Variants in MMP27 observed in about 807,000 individuals in gnomAD.
The protein encoded by MMP27 is matrix metallopeptidase 27, also known as matrix metalloproteinase-27.
In MMP27, 51 loss-of-function variants were observed where a neutral mutation model predicts 48.1. That is an observed-to-expected ratio of 1.06 (90% CI 0.85 to 1.34). The LOEUF (loss-of-function observed/expected upper bound fraction) is 1.34. MMP27 is among the 40% of genes most tolerant of loss of function. MMP27 has a pLI of 0.00. For synonymous variants in MMP27, 229 were observed against 208.9 expected (o/e 1.10, Z -0.83); for missense variants, 698 against 619.3 (o/e 1.13, Z -1.35).
chr11:102,693,880 A>G (rs1213476890), intron 8 of MMP27, 26 bp downstream of exon 8: 1 of 1,541,462 alleles, frequency 6.5e-7, no homozygotes, highest in East Asian at 2.4e-5. Context: ...ATAATAAAAC[A>G]AAGTGTCAAT....
At chr11:102,700,778 GC>G (rs1860925357) in intron 4 of MMP27, among the ~76,000 whole-genome samples, 1 of 152,234 alleles carries the variant, frequency 6.6e-6, no homozygotes, top group African/African-American at 2.4e-5. Flanking sequence ...TTGGCACCTG[GC>G]TTTGCTTTGA....
At chr11:102,695,193 A>T in intron 6 of MMP27, 96 bp from the exon 7 acceptor site, 1 of 1,329,046 alleles carries the variant, frequency 7.5e-7, no homozygotes, top group African/African-American at 1.4e-5. Flanking sequence ...ATTGGTTGGT[A>T]TCTTCCTCAA....
At position 102,691,555 on chromosome 11, in the gene MMP27, A is replaced by C. The variant is rs1023152601; in HGVS notation, c.*211T>G. 111 of 458,356 alleles carry C rather than the reference A, an allele frequency of 2.4e-4. No individual in the cohort carries two copies. The highest frequency in any genetic ancestry group is 7.0e-4 in the Admixed American group (18 of 25,536). The allele number at this position is 458,356 out of a possible 1,614,324, so 28.4% of individuals were successfully genotyped here. A position where few individuals can be genotyped will look rare whatever the true frequency, so the allele number is the denominator to read the frequency against. On this transcript the variant is annotated 3_prime_UTR_variant, in exon 10 of 10. Transcript: ENST00000260229. ...TATAAGACATGTCTTCTCCAAGTCC[A>C]CAAAGCATGAAATAGGCTTAAAGTA...
intron 4 of MMP27, among the ~76,000 whole-genome samples, chr11:102,698,784 T>C (rs997526184): frequency 2.0e-5 from 3 of 152,188 alleles, no homozygotes; most frequent in African/African-American, 7.2e-5. Flanking sequence ...GGCTTAACTA[T>C]CCTATTTATT....
At chr11:102,692,366 G>A (rs541719687) in intron 9 of MMP27, among the ~76,000 whole-genome samples, 14 of 152,258 alleles carry the variant, frequency 9.2e-5, no homozygotes, top group Admixed American at 2.0e-4. Context: ...TCTTAGAGCC[G>A]TTCTACTTTG....
intron 2 of MMP27, 82 bp from the exon 3 acceptor site, chr11:102,703,200 C>T (rs1860979653): frequency 3.8e-6 from 5 of 1,319,970 alleles, no homozygotes; most frequent in Non-Finnish European, 5.2e-6. Context: ...ACATTTCTAG[C>T]TTATCAATAA....
intron 2 of MMP27, among the ~76,000 whole-genome samples, chr11:102,703,532 T>G (rs142282451): frequency 0.014 from 2,080 of 152,224 alleles, 50 homozygotes; most frequent in African/African-American, 0.048. Flanking sequence ...TAAGAACTTT[T>G]TTTTTTTTGA....
intron 9 of MMP27, among the ~76,000 whole-genome samples, chr11:102,692,282 C>T (rs554116160): frequency 6.6e-6 from 1 of 152,254 alleles, no homozygotes; most frequent in African/African-American, 2.4e-5. Flanking sequence ...TCAAACTAGG[C>T]TTCAACAAAG....
intron 6 of MMP27, 105 bp from the exon 7 acceptor site, chr11:102,695,202 AAAT>A: frequency 8.0e-7 from 1 of 1,254,888 alleles, no homozygotes; most frequent in East Asian, 2.4e-5. Flanking sequence ...TATCTTCCTC[AAAT>A]AATTGAGATA....
chr11:102,693,784 CA>C, intron 8 of MMP27, 121 bp downstream of exon 8: 171 of 854,842 alleles, frequency 2.0e-4, no homozygotes, highest in Middle Eastern at 7.5e-4. Flanking sequence ...GACTCCATCT[CA>C]AAAAAAATAA....
chr11:102,692,825 C>T (rs888029233), intron 9 of MMP27, 113 bp downstream of exon 9: 1 of 785,974 alleles, frequency 1.3e-6, no homozygotes, highest in South Asian at 1.7e-5. Context: ...ATTGTATATA[C>T]TTAAGAGTAG....
rs1010250494 is a variant in MMP27 at position 102,703,712 on chromosome 11, T to C, written c.342-594A>G. On this transcript the variant is annotated intron_variant, in intron 2 of 9. Transcript: ENST00000260229. ...TAATTTTTGTGTTTTTTAGTAGAGA[T>C]GGGGTTTTGCCACGTTTGCCAGGCT... Among the ~76,000 whole-genome samples the C allele has an allele frequency of 3.9e-5, 6 of 152,020 alleles. No homozygotes were observed. In the East Asian group the frequency reaches 1.2e-3, roughly 29 times the overall value.
chr11:102,704,854 T>C lies in MMP27; in HGVS notation c.103-79A>G, dbSNP rs919391752. On this transcript the variant is annotated intron_variant, in intron 1 of 9. Coordinates refer to ENST00000260229, the MANE Select transcript of MMP27 (RefSeq NM_022122.3). ...ATCTCCATCTCAGGATAAAGCAAAATTGCCTAAAATTCCTTCTGGCAATAG... is the reference window on the plus strand; with the variant it reads ...ATCTCCATCTCAGGATAAAGCAAAACTGCCTAAAATTCCTTCTGGCAATAG... 3.4e-6 allele frequency: 3 copies of C among 870,070 alleles called. No individual in the cohort carries two copies. In the African/African-American group the frequency reaches 5.2e-5, roughly 15 times the overall value. The allele number at this position is 870,070 out of a possible 1,614,324, so 53.9% of individuals were successfully genotyped here.
At chr11:102,704,874 C>G in intron 1 of MMP27, 99 bp from the exon 2 acceptor site, 3 of 647,140 alleles carry the variant, frequency 4.6e-6, no homozygotes, top group South Asian at 2.5e-5. Context: ...TTCCTTCTGG[C>G]AATAGGAAAG....
At chr11:102,692,385 T>C (rs1205458041) in intron 9 of MMP27, among the ~76,000 whole-genome samples, 1 of 152,226 alleles carries the variant, frequency 6.6e-6, no homozygotes. Flanking sequence ...TGATCTGTTT[T>C]AGGTTTTGAG....
intron 4 of MMP27, among the ~76,000 whole-genome samples, chr11:102,699,158 C>T (rs1860889678): frequency 6.6e-6 from 1 of 152,132 alleles, no homozygotes; most frequent in Non-Finnish European, 1.5e-5. Context: ...GTCTGTAAGG[C>T]TCTAAGTATA....
At chr11:102,704,278 G>A (rs1034137517) in intron 2 of MMP27, among the ~76,000 whole-genome samples, 2 of 152,234 alleles carry the variant, frequency 1.3e-5, no homozygotes, top group South Asian at 2.1e-4. Context: ...AGAGATGAGA[G>A]CATGTCTGCT....
Position 102,696,489 on chromosome 11 carries a change from CT to C in MMP27, c.783del (p.Gly262ValfsTer22), listed in dbSNP as rs1169588691. The C allele has an allele frequency of 2.5e-6, 4 of 1,613,116 alleles. No homozygotes were observed. The highest frequency in any genetic ancestry group is 2.5e-6 in the Non-Finnish European group (3 of 1,179,510). On this transcript the variant is annotated frameshift_variant and splice_region_variant, in exon 6 of 10. Transcript: ENST00000260229. LOFTEE classifies it high-confidence loss of function. Reference sequence around the variant, plus strand: ...GGCTTAGCAGGTTCCTTAGGCAGACCTCCTTTGATGAGAAAAAAAATACCAC... The same window carrying C: ...GGCTTAGCAGGTTCCTTAGGCAGACCCCTTTGATGAGAAAAAAAATACCAC... ...DDINGIQSIYGGLPKEPAKPK... is the reference protein window; with the variant it reads ...DDINGIQSIYXGLPKEPAKPK...
chr11:102,700,608 T>C (rs1860921969), intron 4 of MMP27, among the ~76,000 whole-genome samples: 1 of 152,186 alleles, frequency 6.6e-6, no homozygotes, highest in Non-Finnish European at 1.5e-5. Flanking sequence ...TTGCCCCGGG[T>C]CCCTCAGCTG....
Sources: gnomAD v4.1 joint callset for allele counts (sites outside exome capture counted in the v4.1 genomes callset) on GRCh38, gnomAD v4.1.1 for gene constraint, MANE v1.5 for transcripts, NCBI Gene and HGNC (gene_info 2026-07-23, HGNC 2026-07-21) for gene names.